The following LRP2BP variants were observed in gnomAD, a reference collection of about 807,000 sequenced individuals.
LRP2BP encodes LRP2-binding protein.
Under a neutral mutation model 45.2 loss-of-function variants are expected in LRP2BP, and 38 were observed. The observed-to-expected ratio is 0.84, with a 90% CI of 0.65 to 1.10. The LOEUF (loss-of-function observed/expected upper bound fraction) is 1.10, where lower values mean the gene tolerates loss of function less well. Ranked by LOEUF, LRP2BP falls within the 50% of genes least tolerant of loss-of-function variation. The pLI, the probability that LRP2BP is intolerant of heterozygous loss-of-function variation, is 0.00. For missense variants in LRP2BP, 385 were observed against 418.9 expected (o/e 0.92, Z 0.71); for synonymous variants, 153 against 153.9 (o/e 0.99, Z 0.04).
At chr4:185,378,447 A>G in intron 1 of LRP2BP, 1 of 1,264,462 alleles carries the variant, frequency 7.9e-7, no homozygotes, top group South Asian at 2.0e-5. Flanking sequence ...TCACCATGAG[A>G]CCTGTTTGCA....
At chr4:185,393,492 C>G (rs1655645219) in intron 1 of LRP2BP, among the ~76,000 whole-genome samples, 1 of 150,994 alleles carries the variant, frequency 6.6e-6, no homozygotes, top group Non-Finnish European at 1.5e-5. Flanking sequence ...TCACCTGGCA[C>G]AATTCACTGA....
chr4:185,377,268 C>T, intron 2 of LRP2BP: 1 of 414,240 alleles, frequency 2.4e-6, no homozygotes, highest in Non-Finnish European at 4.4e-6. Flanking sequence ...CTGTAAATCT[C>T]AGCACTCTGG....
chr4:185,396,917 G>A (rs781068208), upstream of LRP2BP: 186 of 1,613,450 alleles, frequency 1.2e-4, no homozygotes, highest in Non-Finnish European at 1.5e-4. Context: ...TCTGCCTTAG[G>A]CGGGAAATGC....
intron 6 of LRP2BP, 26 bp downstream of exon 6, chr4:185,374,109 T>C (rs1286871359): frequency 2.6e-6 from 4 of 1,560,202 alleles, no homozygotes; most frequent in Non-Finnish European, 3.5e-6. Context: ...AATATAACAC[T>C]AGCATTAAAA....
At chr4:185,371,562 AAG>A (rs1437469427) in intron 7 of LRP2BP, among the ~76,000 whole-genome samples, 7 of 141,794 alleles carry the variant, frequency 4.9e-5, no homozygotes, top group East Asian at 1.9e-4. Context: ...AAAAAAAAAA[AAG>A]GATAATGGAA....
intron 3 of LRP2BP, among the ~76,000 whole-genome samples, chr4:185,376,029 A>G (rs573795498): frequency 1.1e-3 from 164 of 152,248 alleles, no homozygotes; most frequent in Non-Finnish European, 1.9e-3. Context: ...TAGTCAACAA[A>G]TGGTGAAAGA....
chr4:185,378,689 G>A, intron 1 of LRP2BP: 3 of 986,726 alleles, frequency 3.0e-6, no homozygotes, highest in Non-Finnish European at 3.6e-6. Context: ...TTATCTTCCT[G>A]TCTGTATTGG....
In LRP2BP at chr4:185,371,540, TAAAAAAAAAAAAA is replaced by T. The variant is rs11288148; in HGVS notation, c.804-739_804-727del. Among the ~76,000 whole-genome samples, 9 of 78,300 alleles carry T rather than the reference TAAAAAAAAAAAAA, an allele frequency of 1.1e-4. No individual in the cohort carries two copies. In the South Asian group the frequency reaches 2.8e-3, roughly 24 times the overall value. 51.4% of individuals were successfully genotyped at this position (78,300 alleles called of 152,430 possible). A position where few individuals can be genotyped will look rare whatever the true frequency, so the allele number is the denominator to read the frequency against. On this transcript the variant is annotated intron_variant, in intron 7 of 8. Transcript: ENST00000505916. ...CTGGGCAACAGAGCGAGACTCCGTC[TAAAAAAAAAAAAA>T]AAAAAAAAAAGGATAATGGAAAGAA...
Position 185,388,447 on chromosome 4 carries a change from G to A in LRP2BP, c.-22+6332C>T, listed in dbSNP as rs12649225. Among the ~76,000 whole-genome samples, 11 of 149,628 alleles carry A rather than the reference G, an allele frequency of 7.4e-5. No homozygotes were observed. The South Asian group carries it at 8.6e-4, about 12-fold the overall frequency. On this transcript the variant is annotated intron_variant, in intron 1 of 8. Transcript: ENST00000505916. ...CCTTTTACTATCTATCTACCTATCTGCCTACCTACCTACCTAACCTGCCTA... is the reference window on the plus strand; with the variant it reads ...CCTTTTACTATCTATCTACCTATCTACCTACCTACCTACCTAACCTGCCTA...
chr4:185,380,984 G>GT (rs1387690959), intron 1 of LRP2BP, among the ~76,000 whole-genome samples: 4 of 152,088 alleles, frequency 2.6e-5, no homozygotes, highest in Non-Finnish European at 2.9e-5. Context: ...AAATGTATAT[G>GT]TAAGTTTACA....
intron 8 of LRP2BP, chr4:185,370,110 CCTTG>C (rs1394524568): frequency 1.2e-5 from 2 of 160,190 alleles, no homozygotes; most frequent in Non-Finnish European, 2.8e-5. Flanking sequence ...CTACCACACC[CCTTG>C]CTTTTTAGTA....
intron 8 of LRP2BP, among the ~76,000 whole-genome samples, chr4:185,368,689 C>T (rs1579965160): frequency 6.6e-6 from 1 of 152,166 alleles, no homozygotes; most frequent in East Asian, 1.9e-4. Flanking sequence ...GTACAGTATT[C>T]TAGATGTGTA....
chr4:185,396,869 A>G (rs2095504793), upstream of LRP2BP: 2 of 1,591,836 alleles, frequency 1.3e-6, no homozygotes, highest in Non-Finnish European at 1.7e-6. Context: ...GGGTGCGGCG[A>G]GTGTCTCACC....
At chr4:185,368,274 C>T (rs1306533779) in intron 8 of LRP2BP, among the ~76,000 whole-genome samples, 1 of 152,220 alleles carries the variant, frequency 6.6e-6, no homozygotes, top group Non-Finnish European at 1.5e-5. Context: ...ATGCTGGTTT[C>T]ACAGAAACCT....
intron 7 of LRP2BP, among the ~76,000 whole-genome samples, chr4:185,371,643 T>C (rs2095416562): frequency 6.6e-6 from 1 of 151,328 alleles, no homozygotes; most frequent in Non-Finnish European, 1.5e-5. Flanking sequence ...GTCAACTCCA[T>C]GTTAACCTCA....
intron 7 of LRP2BP, among the ~76,000 whole-genome samples, chr4:185,371,304 C>T (rs1326366114): frequency 6.6e-6 from 1 of 152,032 alleles, no homozygotes; most frequent in African/African-American, 2.4e-5. Flanking sequence ...CTTTGGGAGG[C>T]CAAGGCAGGC....
At chr4:185,376,442 A>G (rs891109894) in intron 3 of LRP2BP, among the ~76,000 whole-genome samples, 3 of 110,418 alleles carry the variant, frequency 2.7e-5, no homozygotes, top group Admixed American at 9.1e-5. Flanking sequence ...ATGCCCAGCT[A>G]CTTTTTTTTT....
In LRP2BP at chr4:185,365,018, A is replaced by ATGTGTGTG. The variant is rs3841656; in HGVS notation, c.*2154_*2161dup. ...TTAGAGAAGGAGTGTGTGTGTGTGTATGTGTGTGTGTGTGTGTGTGTGTAA... is the reference window on the plus strand; with the variant it reads ...TTAGAGAAGGAGTGTGTGTGTGTGTATGTGTGTGTGTGTGTGTGTGTGTGTGTGTGTAA... On this transcript the variant is annotated 3_prime_UTR_variant, in exon 9 of 9. Coordinates refer to ENST00000505916, the MANE Select transcript of LRP2BP (RefSeq NM_001377440.1). The ATGTGTGTG allele has an allele frequency of 6.7e-6, 1 of 148,978 alleles. No individual in the cohort carries two copies. Among genetic ancestry groups the ATGTGTGTG allele is most frequent in the Non-Finnish European group, 1.5e-5 (1 of 66,910 alleles). The allele number at this position is 148,978 out of a possible 1,614,324, so 9.2% of individuals were successfully genotyped here.
intron 2 of LRP2BP, 65 bp downstream of exon 2, chr4:185,378,016 C>T (rs1217979887): frequency 9.6e-5 from 124 of 1,287,664 alleles, no homozygotes; most frequent in Non-Finnish European, 1.3e-4. Context: ...GTCTCGTTTG[C>T]TCTAGCATGC....
Sources: allele counts gnomAD v4.1 joint callset (sites outside exome capture counted in the v4.1 genomes callset), GRCh38; gene constraint gnomAD v4.1.1; transcripts MANE v1.5; gene names NCBI Gene and HGNC (gene_info 2026-07-23, HGNC 2026-07-21).